Variants in SNAP47 observed in about 807,000 individuals in gnomAD.
SNAP47 encodes the protein synaptosome associated protein 47.
A neutral mutation model predicts 31.4 loss-of-function variants in SNAP47; 20 were observed. The observed-to-expected ratio is 0.64, with a 90% CI of 0.45 to 0.93. The LOEUF (loss-of-function observed/expected upper bound fraction) is 0.93. SNAP47 is among the 40% of genes least tolerant of loss of function. The pLI, the probability that SNAP47 is intolerant of heterozygous loss-of-function variation, is 0.00. For synonymous variants in SNAP47, 194 were observed against 213.4 expected, an observed-to-expected ratio of 0.91 and a Z score of 0.79; for missense variants, 492 against 528.5, an observed-to-expected ratio of 0.93 and a Z score of 0.68.
intron 4 of SNAP47, chr1:227,776,383 G>A: frequency 2.0e-6 from 2 of 986,800 alleles, no homozygotes; most frequent in Non-Finnish European, 2.4e-6. Flanking sequence ...TTCTGTGGAG[G>A]TCGAACTGGC....
intron 1 of SNAP47, among the ~76,000 whole-genome samples, chr1:227,744,528 G>T (rs540824018): frequency 6.6e-6 from 1 of 152,174 alleles, no homozygotes; most frequent in African/African-American, 2.4e-5. Context: ...TGAGCACATT[G>T]CAAGTGAAGT....
rs116913118 is a variant in SNAP47, at chr1:227,753,315, A to T, written c.497+5082A>T. 4.6e-3 allele frequency among the ~76,000 whole-genome samples: 700 copies of T among 152,214 alleles called. 18 individuals carry two copies. In the South Asian group the frequency reaches 0.055, roughly 12 times the overall value. ...AATAGGCCTTGTTAACATCTGATTAACCCCATTTCTGGGGATGCCTCTAAG... is the reference window on the plus strand; with the variant it reads ...AATAGGCCTTGTTAACATCTGATTATCCCCATTTCTGGGGATGCCTCTAAG... On this transcript the variant is annotated intron_variant, in intron 2 of 4. Transcript: ENST00000617596.
chr1:227,734,096 G>A (rs368500624), upstream of SNAP47: 6 of 1,565,030 alleles, frequency 3.8e-6, no homozygotes, highest in Admixed American at 5.4e-5. Context: ...AGGGCAGCAC[G>A]AGTGGGGCAA....
intron 3 of SNAP47, among the ~76,000 whole-genome samples, chr1:227,764,507 G>A (rs755443038): frequency 1.8e-4 from 28 of 152,186 alleles, no homozygotes; most frequent in Non-Finnish European, 3.8e-4. Flanking sequence ...GGTGGTTCAT[G>A]CCTGCAGCCC....
intron 4 of SNAP47, among the ~76,000 whole-genome samples, chr1:227,769,237 T>A (rs1663635618): frequency 6.6e-6 from 1 of 152,034 alleles, no homozygotes; most frequent in Admixed American, 6.6e-5. Context: ...GGCTTCACAT[T>A]CACGACTGTG....
At chr1:227,780,441 C>T in intron 4 of SNAP47, 86 bp from the exon 5 acceptor site, 2 of 1,574,302 alleles carry the variant, frequency 1.3e-6, no homozygotes, top group East Asian at 2.2e-5. Flanking sequence ...CGCAAAGGCT[C>T]TTGGGTGTGT....
intron 1 of SNAP47, among the ~76,000 whole-genome samples, chr1:227,737,311 G>A (rs897995604): frequency 6.6e-6 from 1 of 152,226 alleles, no homozygotes; most frequent in Non-Finnish European, 1.5e-5. Flanking sequence ...CATTTCCCAG[G>A]CGTCTTGACA....
intron 1 of SNAP47, among the ~76,000 whole-genome samples, chr1:227,742,428 C>T (rs1335912571): frequency 2.0e-5 from 3 of 152,188 alleles, no homozygotes; most frequent in Non-Finnish European, 4.4e-5. Context: ...GATTTTAGAG[C>T]TGGTGACCTT....
chr1:227,735,966 C>G (rs1312030625), intron 1 of SNAP47, among the ~76,000 whole-genome samples: 1 of 148,576 alleles, frequency 6.7e-6, no homozygotes, highest in Non-Finnish European at 1.5e-5. Context: ...CGGTGGGGAC[C>G]TGGAGAGGAC....
intron 4 of SNAP47, chr1:227,776,908 T>C (rs764445433): frequency 1.8e-5 from 18 of 985,310 alleles, no homozygotes; most frequent in Admixed American, 6.1e-5. Context: ...AATCAAAAAG[T>C]ACAGCAGGAG....
intron 3 of SNAP47, among the ~76,000 whole-genome samples, chr1:227,764,058 A>T (rs901887562): frequency 6.6e-6 from 1 of 152,188 alleles, no homozygotes; most frequent in Non-Finnish European, 1.5e-5. Context: ...AAGGCTGTGC[A>T]TAGGTGTCTG....
rs1661054394 is a variant in SNAP47, at chr1:227,735,446, G to GA, written c.-99_-98insA. 2.8e-6 allele frequency: 4 copies of GA among 1,449,780 alleles called. No homozygotes were observed. The South Asian group carries it at 5.8e-5, about 21-fold the overall frequency. 89.8% of individuals were successfully genotyped at this position (1,449,780 alleles called of 1,614,324 possible). A position where few individuals can be genotyped will look rare whatever the true frequency, so the allele number is the denominator to read the frequency against. Reference sequence around the variant, plus strand: ...TCGCCGCGGTCTTCACTGCGCAGGCGCCGAGCGGCCGAGGCGCCGCGGTCG... The same window carrying GA: ...TCGCCGCGGTCTTCACTGCGCAGGCGACCGAGCGGCCGAGGCGCCGCGGTCG... On this transcript the variant is annotated 5_prime_UTR_variant, in exon 1 of 5. Transcript: ENST00000617596.
chr1:227,777,065 G>A (rs1664201983), intron 4 of SNAP47: 1 of 981,668 alleles, frequency 1.0e-6, no homozygotes, highest in South Asian at 4.7e-5. Flanking sequence ...TATTCCCACT[G>A]CTTTCTTATG....
At chr1:227,734,365 A>G, upstream of SNAP47, 1 of 348,676 alleles carries the variant, frequency 2.9e-6, no homozygotes, top group Middle Eastern at 8.2e-4. Flanking sequence ...AAAAAAAAAA[A>G]AAAAAAAAAA....
At chr1:227,732,950 C>G (rs1306267156), upstream of SNAP47, 1 of 1,613,290 alleles carries the variant, frequency 6.2e-7, no homozygotes, top group Non-Finnish European at 8.5e-7. Flanking sequence ...CGGCGCATAG[C>G]TCCTGCTGCA....
At chr1:227,735,130 G>A (rs1173124119), upstream of SNAP47, 2 of 1,580,268 alleles carry the variant, frequency 1.3e-6, no homozygotes, top group East Asian at 2.3e-5. Context: ...TGGGCAGCAA[G>A]AAGCCCCGCA....
rs114548961 is a variant in SNAP47 at position 227,757,676 on chromosome 1, T to C, written c.498-1319T>C. Among the ~76,000 whole-genome samples, 602 of 152,338 alleles carry C rather than the reference T, an allele frequency of 4.0e-3. 6 individuals carry two copies. Among genetic ancestry groups the C allele is most frequent in the Non-Finnish European group, 7.2e-3 (491 of 68,028 alleles). On this transcript the variant is annotated intron_variant, in intron 2 of 4. Coordinates refer to ENST00000617596, the MANE Select transcript of SNAP47 (RefSeq NM_053052.4). ...TTTTAAAGCAGGGGTTAATGTGATA[T>C]ATTGAGATCTGCAATAACTAATGTG...
intron 3 of SNAP47, among the ~76,000 whole-genome samples, chr1:227,766,510 C>T (rs1052810382): frequency 5.3e-5 from 8 of 152,314 alleles, no homozygotes; most frequent in African/African-American, 1.4e-4. Flanking sequence ...CCTCCCACCT[C>T]GGTGGCGCAG....
upstream of SNAP47, chr1:227,734,811 C>T (rs1206618179): frequency 1.2e-6 from 2 of 1,613,844 alleles, no homozygotes; most frequent in Admixed American, 3.3e-5. Context: ...GGTACAACCA[C>T]GTCTCCTGAA....
Sources: allele counts gnomAD v4.1 joint callset (sites outside exome capture counted in the v4.1 genomes callset), GRCh38; gene constraint gnomAD v4.1.1; transcripts MANE v1.5; gene names NCBI Gene and HGNC (gene_info 2026-07-23, HGNC 2026-07-21).